Variants in MYH7B observed in about 807,000 individuals in gnomAD.
The protein encoded by MYH7B is myosin heavy chain 7B.
MYH7B carries 205 observed loss-of-function variants against 234.5 expected under a neutral mutation model. The observed-to-expected ratio is 0.87, with a 90% confidence interval of 0.78 to 0.98. The LOEUF is 0.98. Ranked by LOEUF, MYH7B falls within the 50% of genes least tolerant of loss-of-function variation. MYH7B has a pLI of 0.00. For synonymous variants in MYH7B, 1,193 were observed against 1,105.0 expected, an observed-to-expected ratio of 1.08 and a Z score of -1.58; for missense variants, 2,652 against 2,633.4, an observed-to-expected ratio of 1.01 and a Z score of -0.15.
rs1202453315 is a variant in MYH7B, at chr20:34,997,462, T to TGCGGCACGAGGCCACAGTG, written c.3577_3595dup (p.Leu1199ArgfsTer38). 2.7e-6 allele frequency: 4 copies of TGCGGCACGAGGCCACAGTG among 1,500,614 alleles called. No individual in the cohort carries two copies. Among genetic ancestry groups the TGCGGCACGAGGCCACAGTG allele is most frequent in the African/African-American group, 2.9e-5 (2 of 69,484 alleles). 93.0% of individuals were successfully genotyped at this position (1,500,614 alleles called of 1,614,324 possible). ...CGGCGGGAGCTGGAGGAGGCGGCGC[T>TGCGGCACGAGGCCACAGTG]GCGGCACGAGGCCACAGTGGCGGCA... On this transcript the variant is annotated frameshift_variant, in exon 32 of 45. Coordinates refer to ENST00000262873, the Ensembl canonical transcript of MYH7B. LOFTEE classifies it high-confidence loss of function.
chr20:34,963,133 T>C (rs117705392), intron 2 of MYH7B, among the ~76,000 whole-genome samples: 1 of 152,332 alleles, frequency 6.6e-6, no homozygotes, highest in Non-Finnish European at 1.5e-5. Context: ...TAAATTGTTA[T>C]ACTGTATTGT....
chr20:34,995,634 C>A lies in MYH7B; in HGVS notation c.2943+56C>A, dbSNP rs2082242738. The stretch of plus-strand genomic sequence containing the variant: ...CCTGAGCCAGGGGCCAGCTTTGGGG[C>A]CAGGTGGCTGCAGGTCCCACCCCGG... On this transcript the variant is annotated intron_variant, in intron 28 of 44. Coordinates refer to ENST00000262873, the Ensembl canonical transcript of MYH7B. 2.5e-6 allele frequency: 4 copies of A among 1,599,558 alleles called. No homozygotes were observed. The African/African-American group carries it at 4.0e-5, about 16-fold the overall frequency.
At chr20:34,991,254 G>A (rs2082144216) in intron 24 of MYH7B, 133 bp downstream of exon 24, 1 of 655,800 alleles carries the variant, frequency 1.5e-6, no homozygotes, top group Admixed American at 3.1e-5. Context: ...GCCTGGCCAG[G>A]TATCCCAGCA....
chr20:34,986,296 C>T lies in MYH7B; in HGVS notation c.904+98C>T, dbSNP rs1467998416. 4 of 927,010 alleles carry T rather than the reference C, an allele frequency of 4.3e-6. No homozygotes were observed. The Admixed American group carries it at 8.1e-5, about 19-fold the overall frequency. 57.4% of individuals were successfully genotyped at this position (927,010 alleles called of 1,614,324 possible). A position where few individuals can be genotyped will look rare whatever the true frequency, so the allele number is the denominator to read the frequency against. ...CAGGCCAGGCCCTGGTGGTCTTTCCCTCCCTGTCCTGGGGTCTGTGGCCTC... is the reference window on the plus strand; with the variant it reads ...CAGGCCAGGCCCTGGTGGTCTTTCCTTCCCTGTCCTGGGGTCTGTGGCCTC... On this transcript the variant is annotated intron_variant, in intron 14 of 44. Transcript: ENST00000262873.
intron 2 of MYH7B, among the ~76,000 whole-genome samples, chr20:34,962,310 A>G (rs145008837): frequency 6.6e-6 from 1 of 152,330 alleles, no homozygotes; most frequent in African/African-American, 2.4e-5. Flanking sequence ...GTAGATACCT[A>G]GGAGTGGAAT....
In MYH7B at chr20:34,979,516, G is replaced by A. The variant is rs2081907867; in HGVS notation, c.198+20G>A. 1 of 1,605,622 alleles carries A rather than the reference G, an allele frequency of 6.2e-7. No homozygotes were observed. Among genetic ancestry groups the A allele is most frequent in the South Asian group, 1.1e-5 (1 of 90,058 alleles). Reference sequence around the variant, plus strand: ...CAGAAGGTTCCGTTCCCCCTTTCCTGAGATTAGCCTCTCTGTCCCTAGGCC... The same window carrying A: ...CAGAAGGTTCCGTTCCCCCTTTCCTAAGATTAGCCTCTCTGTCCCTAGGCC... On this transcript the variant is annotated intron_variant, in intron 6 of 44. Transcript: ENST00000262873.
At chr20:34,989,077 T>C in intron 19 of MYH7B, among the ~76,000 whole-genome samples, 1 of 152,250 alleles carries the variant, frequency 6.6e-6, no homozygotes, top group Non-Finnish European at 1.5e-5. Flanking sequence ...CCTAAAGTGC[T>C]GGGATTACAG....
chr20:34,999,538 G>T, intron 36 of MYH7B, 33 bp from the exon 37 acceptor site: 1 of 1,567,158 alleles, frequency 6.4e-7, no homozygotes, highest in Non-Finnish European at 8.6e-7. Flanking sequence ...TACAAGCCAT[G>T]GGGGTGGCCT....
Position 35,001,342 on chromosome 20 carries a change from C to T in MYH7B, c.5573C>T (p.Ala1858Val), listed in dbSNP as rs779681003. The change falls in exon 42 of 45, where the codon GCA (alanine) becomes GTA (valine). Residue 1858 changes from alanine (A) to valine (V), a missense_variant. Physicochemically the swap from Ala to Val is moderately conservative, Grantham distance 64 (BLOSUM62 0). Around this residue, in one of 3 missense-constraint regions of MYH7B, gnomAD observed 2,279 missense variants for 2,211.4 expected, o/e 1.03. Transcript: ENST00000262873. The stretch of plus-strand genomic sequence containing the variant: ...CATGAGCGCCGTGTCAAGGAGCTCG[C>T]ATACCAGGTGGGCGACAGGGTCTCC... The T allele has an allele frequency of 4.4e-6, 7 of 1,608,628 alleles. No individual in the cohort carries two copies. The East Asian group carries it at 6.7e-5, about 15-fold the overall frequency.
At chr20:34,962,809 T>G (rs1176444159) in intron 2 of MYH7B, among the ~76,000 whole-genome samples, 1 of 152,016 alleles carries the variant, frequency 6.6e-6, no homozygotes, top group Non-Finnish European at 1.5e-5. Context: ...GTACTTTAAG[T>G]CATCTCGGCC....
exon 38 of MYH7B, chr20:34,999,795 C>A (rs764771249): frequency 6.4e-7 from 1 of 1,560,744 alleles, no homozygotes; most frequent in Non-Finnish European, 8.7e-7. Flanking sequence ...CCACAGGGGG[C>A]CCTGGAGCTG....
intron 10 of MYH7B, 66 bp downstream of exon 10, chr20:34,982,621 T>A (rs1287687776): frequency 1.3e-5 from 16 of 1,249,240 alleles, no homozygotes; most frequent in Middle Eastern, 2.1e-4. Flanking sequence ...TTTCTTCCTC[T>A]CTTTTTTTTT....
At chr20:34,980,019 G>A in intron 7 of MYH7B, 2 of 590,002 alleles carry the variant, frequency 3.4e-6, no homozygotes, top group Non-Finnish European at 5.9e-6. Flanking sequence ...TGGGCCTTGG[G>A]ACCTTAGGGG....
chr20:34,998,808 G>T, exon 35 of MYH7B: 1 of 1,613,396 alleles, frequency 6.2e-7, no homozygotes. Flanking sequence ...CTGAGGCCCA[G>T]GCTGAGCTGC....
At chr20:34,989,889 C>G in exon 20 of MYH7B, 1 of 1,614,168 alleles carries the variant, frequency 6.2e-7, no homozygotes, top group African/African-American at 1.3e-5. Flanking sequence ...AGTACCAGGC[C>G]CACTTCGAGG....
At chr20:34,996,430 C>T in exon 29 of MYH7B, 1 of 1,613,474 alleles carries the variant, frequency 6.2e-7, no homozygotes, top group Non-Finnish European at 8.5e-7. Context: ...GCAGGAGGCC[C>T]ACCAACAGGC....
chr20:34,979,496 G>C, exon 6 of MYH7B: 1 of 1,611,540 alleles, frequency 6.2e-7, no homozygotes, highest in Non-Finnish European at 8.5e-7. Context: ...AAGACCAGAA[G>C]GTTCCGTTCC....
exon 35 of MYH7B, chr20:34,998,915 A>G (rs1009153675): frequency 6.2e-7 from 1 of 1,611,098 alleles, no homozygotes; most frequent in Non-Finnish European, 8.5e-7. Context: ...GAGGAGGCCA[A>G]GTGAGTGCTT....
intron 2 of MYH7B, among the ~76,000 whole-genome samples, chr20:34,966,741 A>G (rs2081745235): frequency 6.6e-6 from 1 of 152,152 alleles, no homozygotes. Context: ...CGAATATACA[A>G]TTATCTCAAT....
Sources: gnomAD v4.1 joint callset for allele counts (sites outside exome capture counted in the v4.1 genomes callset) on GRCh38, gnomAD v4.1.1 for gene constraint, gnomAD v4.1.1 regional missense constraint, MANE v1.5 for transcripts, NCBI Gene and HGNC (gene_info 2026-07-23, HGNC 2026-07-21) for gene names.